DCBLD1: variants seen among roughly 807,000 people sequenced by gnomAD.
DCBLD1 encodes the protein discoidin, CUB and LCCL domain containing 1, also known as discoidin, CUB and LCCL domain-containing protein 1.
Under a neutral mutation model 71.5 loss-of-function variants are expected in DCBLD1, and 57 were observed. The observed-to-expected ratio is 0.80, with a 90% CI of 0.64 to 0.99. The LOEUF (loss-of-function observed/expected upper bound fraction) is 0.99, where lower values mean the gene tolerates loss of function less well. Ranked by LOEUF, DCBLD1 falls within the 50% of genes least tolerant of loss-of-function variation. DCBLD1 has a pLI of 0.00. For synonymous variants in DCBLD1, 380 were observed against 363.8 expected (o/e 1.04, Z -0.51); for missense variants, 891 against 923.5 (o/e 0.96, Z 0.46).
At chr6:117,543,082 G>A (rs747796856) in intron 11 of DCBLD1, 42 bp from the exon 12 acceptor site, 8 of 1,524,002 alleles carry the variant, frequency 5.2e-6, no homozygotes, top group Non-Finnish European at 7.3e-6. Context: ...AGTGGTTGTT[G>A]GTCATTTATG....
At chr6:117,537,362 G>A (rs1236183031) in intron 7 of DCBLD1, 137 bp downstream of exon 7, 25 of 708,956 alleles carry the variant, frequency 3.5e-5, no homozygotes, top group East Asian at 2.0e-4. Context: ...GTGAAACCCC[G>A]TCTCTACTAA....
chr6:117,565,614 TATC>T (rs1316064078), intron 14 of DCBLD1, among the ~76,000 whole-genome samples: 3 of 152,180 alleles, frequency 2.0e-5, no homozygotes, highest in Non-Finnish European at 2.9e-5. Context: ...CATTCATTAA[TATC>T]ATCATCAATC....
chr6:117,525,517 C>A, intron 5 of DCBLD1, 83 bp downstream of exon 5: 2 of 1,015,716 alleles, frequency 2.0e-6, no homozygotes, highest in South Asian at 5.6e-5. Flanking sequence ...TGAGTAAAGT[C>A]AAATGAGATA....
intron 3 of DCBLD1, among the ~76,000 whole-genome samples, chr6:117,520,213 C>T (rs1477588073): frequency 6.6e-6 from 1 of 152,122 alleles, no homozygotes; most frequent in Non-Finnish European, 1.5e-5. Flanking sequence ...CTAACAATAG[C>T]TGATGAGCTA....
intron 14 of DCBLD1, among the ~76,000 whole-genome samples, chr6:117,559,066 CTAGA>C (rs1172041567): frequency 6.6e-6 from 1 of 152,220 alleles, no homozygotes; most frequent in Admixed American, 6.5e-5. Flanking sequence ...GTGCCAACGA[CTAGA>C]TAAACTATAC....
At chr6:117,527,392 C>G (rs973821285) in intron 5 of DCBLD1, among the ~76,000 whole-genome samples, 1 of 152,112 alleles carries the variant, frequency 6.6e-6, no homozygotes, top group African/African-American at 2.4e-5. Flanking sequence ...TGTAGCAAGT[C>G]TTTTCAGAAG....
chr6:117,531,671 T>G (rs925178613), intron 5 of DCBLD1, among the ~76,000 whole-genome samples: 4 of 152,204 alleles, frequency 2.6e-5, no homozygotes, highest in African/African-American at 7.2e-5. Context: ...TTCGTTAAGC[T>G]TTCTGTTCCA....
rs1778323852 is a variant in DCBLD1 at position 117,519,796 on chromosome 6, C to T, written c.326-20C>T. 6.3e-7 allele frequency: 1 copy of T among 1,598,140 alleles called. No homozygotes were observed. Among genetic ancestry groups the T allele is most frequent in the Admixed American group, 1.7e-5 (1 of 59,792 alleles). On this transcript the variant is annotated intron_variant, in intron 2 of 14. Transcript: ENST00000338728. ...CTGGTATAAATTTTGAAATGTGCCA[C>T]AAGTGTGCTTTGTTTTTAGGTCCAT...
chr6:117,507,174 A>G (rs181783791), intron 2 of DCBLD1, among the ~76,000 whole-genome samples: 1 of 152,362 alleles, frequency 6.6e-6, no homozygotes, highest in African/African-American at 2.4e-5. Context: ...TATAGTGTTC[A>G]TCATTATGCA....
At chr6:117,522,398 C>CTAGA (rs1778413144) in intron 4 of DCBLD1, among the ~76,000 whole-genome samples, 1 of 151,932 alleles carries the variant, frequency 6.6e-6, no homozygotes, top group Admixed American at 6.6e-5. Context: ...AGCCACTAGT[C>CTAGA]TAGAGATCAT....
At chr6:117,552,793 C>G (rs908757112), downstream of DCBLD1, among the ~76,000 whole-genome samples, 4 of 152,174 alleles carry the variant, frequency 2.6e-5, no homozygotes, top group East Asian at 1.9e-4. Context: ...CACTGTAAAC[C>G]TAATCTCCAG....
At chr6:117,567,578 G>C (rs1779724460) in intron 14 of DCBLD1, among the ~76,000 whole-genome samples, 1 of 152,012 alleles carries the variant, frequency 6.6e-6, no homozygotes, top group Non-Finnish European at 1.5e-5. Flanking sequence ...TAGGTCTTGA[G>C]TAAGAACTTA....
chr6:117,546,445 C>A (rs1562125382), intron 14 of DCBLD1, among the ~76,000 whole-genome samples: 1 of 152,164 alleles, frequency 6.6e-6, no homozygotes, highest in Non-Finnish European at 1.5e-5. Context: ...CAGGTGACGC[C>A]TGTGCACATC....
In DCBLD1 at chr6:117,503,845, A is replaced by G. The variant is rs1173361082; in HGVS notation, c.191A>G (p.Asn64Ser). Residue 64 changes from asparagine (N) to serine (S), a missense_variant, in exon 2 of 15, where the codon AAT becomes AGT. Physicochemically the swap from Asn to Ser is conservative, Grantham distance 46 (BLOSUM62 1). Coordinates refer to ENST00000338728, the MANE Select transcript of DCBLD1 (RefSeq NM_001366458.2). ...AAGAATTATCCCGGGACCTACCCCA[A>G]TCACACTGTTTGCGAAAAGACAATT... is the stretch of plus-strand genomic sequence containing the variant. ...TSKNYPGTYP[N>S]HTVCEKTITV... The G allele has an allele frequency of 5.0e-6, 8 of 1,614,120 alleles. No individual in the cohort carries two copies. The highest frequency in any genetic ancestry group is 6.8e-6 in the Non-Finnish European group (8 of 1,180,000).
At chr6:117,488,787 A>G (rs996280104) in intron 1 of DCBLD1, among the ~76,000 whole-genome samples, 5 of 152,180 alleles carry the variant, frequency 3.3e-5, no homozygotes, top group Non-Finnish European at 7.3e-5. Flanking sequence ...GGGGTCCCCT[A>G]TGGTCTGCTA....
intron 2 of DCBLD1, among the ~76,000 whole-genome samples, chr6:117,505,368 G>C (rs1034096999): frequency 2.0e-5 from 3 of 152,262 alleles, no homozygotes; most frequent in Admixed American, 1.3e-4. Flanking sequence ...TTCTGAGGAG[G>C]GGGTAAGTGT....
chr6:117,522,425 A>G (rs1778414476), intron 4 of DCBLD1, among the ~76,000 whole-genome samples: 1 of 151,984 alleles, frequency 6.6e-6, no homozygotes, highest in Non-Finnish European at 1.5e-5. Flanking sequence ...CAACACTAAC[A>G]AAAACTATGA....
intron 4 of DCBLD1, among the ~76,000 whole-genome samples, 197 bp downstream of exon 4, chr6:117,521,773 T>C (rs1270626910): frequency 6.6e-6 from 1 of 152,228 alleles, no homozygotes; most frequent in Non-Finnish European, 1.5e-5. Context: ...TAATAAATAT[T>C]TCAGGTTTTC....
intron 2 of DCBLD1, among the ~76,000 whole-genome samples, chr6:117,509,870 G>A (rs1777959662): frequency 6.6e-6 from 1 of 152,148 alleles, no homozygotes; most frequent in Admixed American, 6.5e-5. Context: ...GGTTTTCCCA[G>A]CCTCATGAGA....
Sources: allele counts gnomAD v4.1 joint callset (sites outside exome capture counted in the v4.1 genomes callset), GRCh38; gene constraint gnomAD v4.1.1; transcripts MANE v1.5; gene names NCBI Gene and HGNC (gene_info 2026-07-23, HGNC 2026-07-21).